FBH1: variants seen among roughly 807,000 people sequenced by gnomAD.
FBH1 encodes the protein F-box DNA helicase 1.
A neutral mutation model predicts 115.5 loss-of-function variants in FBH1; 43 were observed. The observed-to-expected ratio is 0.37, with a 90% CI of 0.29 to 0.48. FBH1 has a LOEUF of 0.48. Ranked by LOEUF, FBH1 falls within the 20% of genes least tolerant of loss-of-function variation. FBH1 has a pLI of 0.99. For synonymous variants in FBH1, 524 were observed against 507.8 expected, an observed-to-expected ratio of 1.03 and a Z score of -0.43; for missense variants, 1,001 against 1,337.3, an observed-to-expected ratio of 0.75 and a Z score of 3.92.
In FBH1 at chr10:5,925,595, C is replaced by T; in HGVS notation, c.2722+103C>T. On this transcript the variant is annotated intron_variant, in intron 18 of 20. Transcript: ENST00000362091. The surrounding 1 kb of genome is among the most constrained non-coding windows in gnomAD (Gnocchi z 4.6). Reference sequence around the variant, plus strand: ...GTTGTTTGTTGGATGGTGTGGCCTCCTGGTAGGGCACTTCTGGAAAAACTA... The same window carrying T: ...GTTGTTTGTTGGATGGTGTGGCCTCTTGGTAGGGCACTTCTGGAAAAACTA... 1 of 1,501,006 alleles carries T rather than the reference C, an allele frequency of 6.7e-7. No homozygotes were observed. Among genetic ancestry groups the T allele is most frequent in the Non-Finnish European group, 9.0e-7 (1 of 1,111,582 alleles). 93.0% of individuals were successfully genotyped at this position (1,501,006 alleles called of 1,614,324 possible).
Position 5,903,116 on chromosome 10 carries a change from C to A in FBH1, c.98C>A (p.Thr33Lys). 1 of 1,613,792 alleles carries A rather than the reference C, an allele frequency of 6.2e-7. No homozygotes were observed. Among genetic ancestry groups the A allele is most frequent in the South Asian group, 1.1e-5 (1 of 90,978 alleles). Residue 33 changes from threonine to lysine, a missense_variant, in exon 2 of 21, where the codon ACA becomes AAA. By Grantham distance (78) the Thr-to-Lys change is moderately conservative. Around this residue, in one of 4 missense-constraint regions of FBH1, gnomAD observed 420 missense variants for 430.4 expected, o/e 0.98. Coordinates refer to ENST00000362091, the MANE Select transcript of FBH1 (RefSeq NM_178150.3). ...AVTQPFGQRW[T>K]NRDPNHGLYP... ...ACCCAGCCCTTCGGTCAAAGATGGA[C>A]AAACAGAGATCCGAACCATGGTCTC...
Position 5,915,421 on chromosome 10 carries a change from C to T in FBH1, c.1415C>T (p.Thr472Met). 1.9e-6 allele frequency: 3 copies of T among 1,614,212 alleles called. No individual in the cohort carries two copies. The highest frequency in any genetic ancestry group is 2.5e-6 in the Non-Finnish European group (3 of 1,180,028). ...TCCCCAGGCACTGGGAAGACCTCAA[C>T]GCTGGTCAAGTATGCAGAGAAGTGG... The part of the protein sequence containing the change: ...MAFAGTGKTS[T>M]LVKYAEKWSQ... Residue 472 changes from threonine to methionine, a missense_variant, in exon 9 of 21, where the codon ACG (threonine) becomes ATG (methionine). Physicochemically the swap from Thr to Met is moderately conservative, Grantham distance 81 (BLOSUM62 -1). This residue lies in a region of FBH1 where 521 missense variants were observed against 811.0 expected (regional missense o/e 0.64). Transcript: ENST00000362091. This position sits in a 1 kb window ranked among gnomAD's most constrained non-coding sequence, Gnocchi z 5.2.
rs199546997 is a variant in FBH1 at position 5,895,217 on chromosome 10, C to T, written c.1+4871C>T. The T allele has an allele frequency of 3.1e-5, 50 of 1,592,952 alleles. No individual in the cohort carries two copies. The highest frequency in any genetic ancestry group is 3.0e-4 in the South Asian group (27 of 89,230). ...GAGGCATGTGGGAAACTGACCAGGG[C>T]GGTTAGCTGACTCCAAAATTGTCCA... On this transcript the variant is annotated intron_variant, in intron 1 of 20. Transcript: ENST00000362091. This position sits in a 1 kb window ranked among gnomAD's most constrained non-coding sequence, Gnocchi z 5.0.
At position 5,911,076 on chromosome 10, in the gene FBH1, A is replaced by G. The variant is rs745544329; in HGVS notation, c.1159A>G (p.Ile387Val). The change falls in exon 6 of 21, where the codon ATA becomes GTA. Residue 387 changes from isoleucine (I) to valine (V), a missense_variant. By Grantham distance (29) the Ile-to-Val change is conservative (BLOSUM62 3). Coordinates refer to ENST00000362091, the MANE Select transcript of FBH1 (RefSeq NM_178150.3). This position sits in a 1 kb window ranked among gnomAD's most constrained non-coding sequence, Gnocchi z 5.4. ...AGATGTCACCGAGACCCTGTACTGC[A>G]TAGCCGTGCTTCTCTACGCCATGAG... ...MPDVTETLYC[I>V]AVLLYAMREK... 5.6e-6 allele frequency: 9 copies of G among 1,613,650 alleles called. No individual in the cohort carries two copies. The highest frequency in any genetic ancestry group is 7.6e-6 in the Non-Finnish European group (9 of 1,179,994).
rs755511172 is a variant in FBH1, at chr10:5,936,503, C to T, written c.2877C>T (p.Gly959=). The T allele has an allele frequency of 2.2e-5, 36 of 1,613,950 alleles. No homozygotes were observed. Among genetic ancestry groups the T allele is most frequent in the South Asian group, 8.8e-5 (8 of 91,090 alleles). The change falls in exon 20 of 21, where the codon GGC becomes GGT. Residue 959 remains glycine (G), a synonymous_variant. Transcript: ENST00000362091. This position sits in a 1 kb window ranked among gnomAD's most constrained non-coding sequence, Gnocchi z 5.6. ...AELTSNVLKT[G]VVRCCVGQCN... ...TGACAAGCAACGTCTTAAAAACAGG[C>T]GTGGTGCGCTGCTGCGTGGGACAGT...
In FBH1 at chr10:5,936,433, CTT is replaced by C. The variant is rs2132167001; in HGVS notation, c.2830-21_2830-20del. On this transcript the variant is annotated intron_variant, in intron 19 of 20. Transcript: ENST00000362091. This position sits in a 1 kb window ranked among gnomAD's most constrained non-coding sequence, Gnocchi z 5.6. Reference sequence around the variant, plus strand: ...CTAACGGAGGTGTCGCCATGACTCTCTTTCTCGCTCTTTCTTTCTCAGGAGTA... The same window carrying C: ...CTAACGGAGGTGTCGCCATGACTCTCTCTCGCTCTTTCTTTCTCAGGAGTA... 6.2e-7 allele frequency: 1 copy of C among 1,611,334 alleles called. No individual in the cohort carries two copies. The highest frequency in any genetic ancestry group is 1.3e-5 in the African/African-American group (1 of 74,954).
chr10:5,910,550 C>T lies in FBH1; in HGVS notation c.1021-388C>T, dbSNP rs528978605. 3.5e-4 allele frequency among the ~76,000 whole-genome samples: 54 copies of T among 152,194 alleles called. No individual in the cohort carries two copies. The highest frequency in any genetic ancestry group is 1.1e-3 in the African/African-American group (47 of 41,522). On this transcript the variant is annotated intron_variant, in intron 5 of 20. Transcript: ENST00000362091. The surrounding 1 kb of genome is among the most constrained non-coding windows in gnomAD (Gnocchi z 4.8). ...GCGTCTCTCATGCCTCTTGGGTGGG[C>T]GCCCCTTGCTGGCTGTTTTGCTCTG...
In FBH1 at chr10:5,924,873, C is replaced by G; in HGVS notation, c.2596+365C>G. ...GAGCCACTGCGCCCAGCCTCTTCTG[C>G]TGTTTCTTCCCTGTGTGGAATATCT... On this transcript the variant is annotated intron_variant, in intron 17 of 20. Transcript: ENST00000362091. This position sits in a 1 kb window ranked among gnomAD's most constrained non-coding sequence, Gnocchi z 6.2. 2.5e-6 allele frequency: 1 copy of G among 394,708 alleles called. No homozygotes were observed. Among genetic ancestry groups the G allele is most frequent in the Non-Finnish European group, 5.0e-6 (1 of 199,434 alleles). 24.5% of individuals were successfully genotyped at this position (394,708 alleles called of 1,614,324 possible). A position where few individuals can be genotyped will look rare whatever the true frequency, so the allele number is the denominator to read the frequency against.
At chr10:5,891,234 A>G in intron 1 of FBH1, 2 of 954,920 alleles carry the variant, frequency 2.1e-6, no homozygotes, top group Non-Finnish European at 2.5e-6. Context: ...GCCCATGAAG[A>G]TAAGTCCGTT....
chr10:5,924,277 G>T lies in FBH1; in HGVS notation c.2399-34G>T. The T allele has an allele frequency of 6.2e-7, 1 of 1,606,882 alleles. No homozygotes were observed. The highest frequency in any genetic ancestry group is 8.5e-7 in the Non-Finnish European group (1 of 1,173,820). Reference sequence around the variant, plus strand: ...CTGCCACCATCTGTTAGTGGAGCTTGTGTCACCTTAATTTGTGTGTATATT... The same window carrying T: ...CTGCCACCATCTGTTAGTGGAGCTTTTGTCACCTTAATTTGTGTGTATATT... On this transcript the variant is annotated intron_variant, in intron 16 of 20. Coordinates refer to ENST00000362091, the MANE Select transcript of FBH1 (RefSeq NM_178150.3). The surrounding 1 kb of genome is among the most constrained non-coding windows in gnomAD (Gnocchi z 6.2).
At chr10:5,901,949 A>G (rs1843371812) in intron 1 of FBH1, among the ~76,000 whole-genome samples, 1 of 152,260 alleles carries the variant, frequency 6.6e-6, no homozygotes, top group Admixed American at 6.5e-5. Flanking sequence ...GCAGTAACAG[A>G]TGCAGAAGCA....
At chr10:5,929,585 A>C (rs1440649432) in intron 19 of FBH1, 1 of 152,254 alleles carries the variant, frequency 6.6e-6, no homozygotes, top group African/African-American at 2.4e-5. Context: ...AGGGCCAGGC[A>C]GTAAAGATTT....
At chr10:5,912,062 G>A (rs1289941964) in intron 6 of FBH1, among the ~76,000 whole-genome samples, 1 of 152,046 alleles carries the variant, frequency 6.6e-6, no homozygotes, top group East Asian at 1.9e-4. Context: ...TACAGGCCCC[G>A]ATTAGAAGGT....
intron 19 of FBH1, among the ~76,000 whole-genome samples, chr10:5,930,198 A>C (rs1832891237): frequency 6.6e-6 from 1 of 152,230 alleles, no homozygotes; most frequent in African/African-American, 2.4e-5. Context: ...TATTTTATAA[A>C]TGTTATCATA....
intron 1 of FBH1, chr10:5,890,922 AACCT>A (rs2131804721): frequency 6.5e-6 from 1 of 152,688 alleles, no homozygotes; most frequent in East Asian, 1.9e-4. Context: ...CCAGTCACTT[AACCT>A]CTCCATGTTT....
chr10:5,915,340 GGGGATCCCT>G lies in FBH1; in HGVS notation c.1397-59_1397-51del. The G allele has an allele frequency of 1.9e-6, 3 of 1,561,478 alleles. No homozygotes were observed. On this transcript the variant is annotated intron_variant, in intron 8 of 20. Coordinates refer to ENST00000362091, the MANE Select transcript of FBH1 (RefSeq NM_178150.3). This position sits in a 1 kb window ranked among gnomAD's most constrained non-coding sequence, Gnocchi z 5.2. ...TGATAAGCCTGGACAAGGCCTGATT[GGGGATCCCT>G]GGGCATGTCTTGTCTGGTCAGAGGG... is the stretch of plus-strand genomic sequence containing the variant.
At chr10:5,903,205 A>C (rs1331631095) in intron 2 of FBH1, 30 bp downstream of exon 2, 1 of 1,567,528 alleles carries the variant, frequency 6.4e-7, no homozygotes, top group Non-Finnish European at 8.7e-7. Flanking sequence ...CTTGCATTTC[A>C]AAACCTGTAG....
rs1362399491 is a variant in FBH1 at position 5,895,141 on chromosome 10, C to G, written c.1+4795C>G. Reference sequence around the variant, plus strand: ...CCCTGGGCCATCTCCACAGGAGATGCCAGAGGACGAGTGCCCACTTGCTGG... The same window carrying G: ...CCCTGGGCCATCTCCACAGGAGATGGCAGAGGACGAGTGCCCACTTGCTGG... On this transcript the variant is annotated intron_variant, in intron 1 of 20. Transcript: ENST00000362091. This position sits in a 1 kb window ranked among gnomAD's most constrained non-coding sequence, Gnocchi z 5.0. 4 of 1,613,412 alleles carry G rather than the reference C, an allele frequency of 2.5e-6. No individual in the cohort carries two copies. The highest frequency in any genetic ancestry group is 1.3e-5 in the African/African-American group (1 of 74,842).
At position 5,921,362 on chromosome 10, in the gene FBH1, G is replaced by A; in HGVS notation, c.2200+5G>A. The A allele has an allele frequency of 6.2e-7, 1 of 1,613,686 alleles. No homozygotes were observed. Among genetic ancestry groups the A allele is most frequent in the Non-Finnish European group, 8.5e-7 (1 of 1,179,878 alleles). On this transcript the variant is annotated splice_donor_5th_base_variant and intron_variant, in intron 14 of 20. Coordinates refer to ENST00000362091, the MANE Select transcript of FBH1 (RefSeq NM_178150.3). The surrounding 1 kb of genome is among the most constrained non-coding windows in gnomAD (Gnocchi z 6.4). ...TGGTTGGAGGAAACCATCAGAGTAA[G>A]GCTTTTAGTTACTCTTCTCTTTTGT...
Sources: gnomAD v4.1 joint callset for allele counts (sites outside exome capture counted in the v4.1 genomes callset) on GRCh38, gnomAD v4.1.1 for gene constraint, gnomAD v4.1.1 regional missense constraint, Gnocchi (gnomAD v3.1) non-coding constraint, MANE v1.5 for transcripts, NCBI Gene and HGNC (gene_info 2026-07-23, HGNC 2026-07-21) for gene names.